NRXN3: variants seen among roughly 807,000 people sequenced by gnomAD.
NRXN3 encodes the protein neurexin III.
In NRXN3, 32 loss-of-function variants were observed where a neutral mutation model predicts 137.6. That is an observed-to-expected ratio of 0.23 (90% CI 0.18 to 0.31). The LOEUF (loss-of-function observed/expected upper bound fraction) is 0.31, where lower values mean the gene tolerates loss of function less well. Among genes scored for constraint, NRXN3 ranks in the 10% least tolerant of loss-of-function variants. The pLI is 1.00. For synonymous variants in NRXN3, 798 were observed against 784.5 expected (o/e 1.02, Z -0.29); for missense variants, 1,574 against 2,062.5 (o/e 0.76, Z 4.59).
chr14:78,914,447 T>C (rs1168079261), intron 10 of NRXN3, among the ~76,000 whole-genome samples: 1 of 151,966 alleles, frequency 6.6e-6, no homozygotes, highest in Non-Finnish European at 1.5e-5. Context: ...AGAAAAAGGA[T>C]AGGGTATGTC....
chr14:78,452,277 G>T (rs900050824), intron 4 of NRXN3, among the ~76,000 whole-genome samples: 1 of 152,176 alleles, frequency 6.6e-6, no homozygotes, highest in Non-Finnish European at 1.5e-5. Flanking sequence ...ATTCTCTGTG[G>T]CTTGATCTTC....
rs60429358 is a variant in NRXN3 at position 78,943,621 on chromosome 14, AATATATATAT to A, written c.2276-13572_2276-13563del. Among the ~76,000 whole-genome samples, 111 of 27,850 alleles carry A rather than the reference AATATATATAT, an allele frequency of 4.0e-3. 3 individuals carry two copies. Among genetic ancestry groups the A allele is most frequent in the Middle Eastern group, 0.029 (1 of 34 alleles). The allele number at this position is 27,850 out of a possible 152,430, so 18.3% of individuals were successfully genotyped here. The stretch of plus-strand genomic sequence containing the variant: ...AGCAAGATCACTGTTAAAAAAAAAA[AATATATATAT>A]ATATATATATATATATATATATATA... On this transcript the variant is annotated intron_variant, in intron 10 of 20. Coordinates refer to ENST00000335750, the MANE Select transcript of NRXN3 (RefSeq NM_001330195.2).
At chr14:78,588,231 T>C (rs1426493257) in intron 4 of NRXN3, among the ~76,000 whole-genome samples, 5 of 152,198 alleles carry the variant, frequency 3.3e-5, no homozygotes, top group African/African-American at 1.2e-4. Flanking sequence ...TTTGAATAAA[T>C]GAAAAGTTTT....
At chr14:79,719,608 T>C (rs957161956) in intron 19 of NRXN3, among the ~76,000 whole-genome samples, 1 of 152,010 alleles carries the variant, frequency 6.6e-6, no homozygotes, top group Non-Finnish European at 1.5e-5. Flanking sequence ...ATACGTATTG[T>C]AGAAAAAAAT....
intron 15 of NRXN3, among the ~76,000 whole-genome samples, chr14:79,443,112 A>C (rs1220969014): frequency 6.6e-6 from 1 of 152,256 alleles, no homozygotes; most frequent in Non-Finnish European, 1.5e-5. Context: ...TCTTCTATAC[A>C]GCTACAGTAA....
At chr14:79,396,751 C>G (rs773046656) in intron 15 of NRXN3, among the ~76,000 whole-genome samples, 1 of 152,154 alleles carries the variant, frequency 6.6e-6, no homozygotes, top group South Asian at 2.1e-4. Flanking sequence ...AACCAAAGGT[C>G]AATATCAATG....
intron 16 of NRXN3, among the ~76,000 whole-genome samples, chr14:79,662,639 A>C (rs1208637616): frequency 6.6e-6 from 1 of 152,134 alleles, no homozygotes; most frequent in Non-Finnish European, 1.5e-5. Flanking sequence ...ATTGGCTCAC[A>C]GTTCTGCAGG....
intron 8 of NRXN3, among the ~76,000 whole-genome samples, chr14:78,725,101 A>T (rs1770520772): frequency 6.6e-6 from 1 of 152,196 alleles, no homozygotes. Context: ...AGTAAATCAG[A>T]AGCCTCATGA....
intron 6 of NRXN3, among the ~76,000 whole-genome samples, chr14:78,681,163 C>G (rs993987395): frequency 6.6e-6 from 1 of 152,110 alleles, no homozygotes; most frequent in African/African-American, 2.4e-5. Flanking sequence ...GGGCTTATGT[C>G]ACATTCTAAA....
chr14:79,761,065 T>C (rs1054404824), intron 19 of NRXN3, among the ~76,000 whole-genome samples: 1 of 151,710 alleles, frequency 6.6e-6, no homozygotes, highest in African/African-American at 2.4e-5. Context: ...GGAGTTGAGA[T>C]GGCCAAGAGA....
chr14:79,818,071 T>G (rs1028070231), intron 20 of NRXN3, among the ~76,000 whole-genome samples: 1 of 147,384 alleles, frequency 6.8e-6, no homozygotes, highest in Non-Finnish European at 1.5e-5. Flanking sequence ...TTTTTTTTTT[T>G]TTGAGACGGA....
intron 6 of NRXN3, among the ~76,000 whole-genome samples, chr14:78,660,892 G>A (rs889539618): frequency 6.6e-6 from 1 of 152,188 alleles, no homozygotes; most frequent in African/African-American, 2.4e-5. Flanking sequence ...TCCTTGGACA[G>A]GGAAAGACAG....
In NRXN3 at chr14:79,308,901, T is replaced by TTTTA. The variant is rs756627963; in HGVS notation, c.3263-158296_3263-158293dup. On this transcript the variant is annotated intron_variant, in intron 15 of 20. Coordinates refer to ENST00000335750, the MANE Select transcript of NRXN3 (RefSeq NM_001330195.2). ...TTTTATTTTATTTTATTTTTTTTTA[T>TTTTA]TTTATTTATTTATTTATTTATTTAT... Among the ~76,000 whole-genome samples the TTTTA allele has an allele frequency of 1.6e-3, 207 of 132,336 alleles. 3 individuals carry two copies. In the East Asian group the frequency reaches 0.021, roughly 13 times the overall value. 86.8% of individuals were successfully genotyped at this position (132,336 alleles called of 152,430 possible).
intron 14 of NRXN3, among the ~76,000 whole-genome samples, chr14:78,982,443 A>T (rs916015437): frequency 1.3e-5 from 2 of 152,126 alleles, no homozygotes; most frequent in African/African-American, 2.4e-5. Context: ...CAAAAAACGG[A>T]TGCACTGACC....
chr14:79,230,521 G>A (rs937211396), intron 15 of NRXN3, among the ~76,000 whole-genome samples: 9 of 152,146 alleles, frequency 5.9e-5, no homozygotes, highest in East Asian at 1.9e-4. Flanking sequence ...ATAAAGCAGT[G>A]CCACAGGTTG....
intron 4 of NRXN3, among the ~76,000 whole-genome samples, chr14:78,602,836 A>G (rs905341219): frequency 2.6e-5 from 4 of 152,174 alleles, no homozygotes; most frequent in African/African-American, 9.7e-5. Context: ...CCACTTTGCT[A>G]CTGGGTCAGA....
chr14:78,422,323 G>GT (rs2093480441), intron 4 of NRXN3, among the ~76,000 whole-genome samples: 1 of 152,186 alleles, frequency 6.6e-6, no homozygotes, highest in African/African-American at 2.4e-5. Context: ...CATTCTTGAG[G>GT]TTATTGGATG....
intron 4 of NRXN3, among the ~76,000 whole-genome samples, chr14:78,463,152 A>G (rs1409286823): frequency 6.6e-6 from 1 of 152,154 alleles, no homozygotes; most frequent in East Asian, 1.9e-4. Context: ...CTCCAGTGCC[A>G]TCTATATTGC....
intron 1 of NRXN3, among the ~76,000 whole-genome samples, chr14:78,236,069 A>G (rs899887252): frequency 9.9e-5 from 15 of 152,254 alleles, no homozygotes; most frequent in African/African-American, 3.6e-4. Context: ...GTGACATAAC[A>G]AAAATAATAG....
Sources: allele counts gnomAD v4.1 joint callset (sites outside exome capture counted in the v4.1 genomes callset), GRCh38; gene constraint gnomAD v4.1.1; transcripts MANE v1.5; gene names NCBI Gene and HGNC (gene_info 2026-07-23, HGNC 2026-07-21).